Variants in CCNH observed in about 807,000 individuals in gnomAD.
The protein encoded by CCNH is cyclin H.
CCNH carries 31 observed loss-of-function variants against 41.9 expected under a neutral mutation model. The ratio of observed to expected loss-of-function variants is 0.74; its 90% confidence interval spans 0.56 to 1.00. The LOEUF is 1.00. Ranked by LOEUF, CCNH falls within the 50% of genes least tolerant of loss-of-function variation. The pLI, the probability that CCNH is intolerant of heterozygous loss-of-function variation, is 0.00. For synonymous variants in CCNH, 138 were observed against 136.1 expected (o/e 1.01, Z -0.10); for missense variants, 362 against 388.4 (o/e 0.93, Z 0.57).
Position 87,333,429 on chromosome 5 carries a change from A to T in CCNH, c.*91-14532T>A. On this transcript the variant is annotated intron_variant and NMD_transcript_variant, in intron 9 of 9. Coordinates refer to the CCNH transcript ENST00000645953. ...TGGACTAGGAAGCTTTTGAAATTTG[A>T]AGAAATGGCATACAGCAAGGTGAAA... The T allele has an allele frequency of 3.9e-6, 6 of 1,556,446 alleles. No homozygotes were observed. The South Asian group carries it at 7.1e-5, about 19-fold the overall frequency.
chr5:87,386,699 G>T, downstream of CCNH: 1 of 759,736 alleles, frequency 1.3e-6, no homozygotes, highest in East Asian at 2.6e-5. Context: ...TATGGGTTTT[G>T]CTATATTAAT....
downstream of CCNH, chr5:87,389,277 G>A (rs1762290814): frequency 7.3e-7 from 1 of 1,363,736 alleles, no homozygotes; most frequent in Non-Finnish European, 1.0e-6. Context: ...GTTGCAGTGA[G>A]CCGAGATCAT....
intron 9 of CCNH, among the ~76,000 whole-genome samples, chr5:87,355,294 GC>G (rs1387361346): frequency 6.6e-6 from 1 of 152,146 alleles, no homozygotes; most frequent in Non-Finnish European, 1.5e-5. Context: ...CTTTTCAGGG[GC>G]TAATGCAGCT....
upstream of CCNH, chr5:87,379,822 A>G: frequency 6.2e-7 from 1 of 1,612,794 alleles, no homozygotes; most frequent in Non-Finnish European, 8.5e-7. Context: ...TGTGGAGAAA[A>G]TATTCATGGC....
chr5:87,379,814 T>C (rs768210175), upstream of CCNH: 1 of 1,612,864 alleles, frequency 6.2e-7, no homozygotes, highest in South Asian at 1.1e-5. Flanking sequence ...TCAGAGCTTG[T>C]GGAGAAAATA....
chr5:87,322,106 A>G (rs568920929), intron 9 of CCNH, among the ~76,000 whole-genome samples: 1 of 152,162 alleles, frequency 6.6e-6, no homozygotes, highest in African/African-American at 2.4e-5. Context: ...TCCCTCATGA[A>G]TGGTTTGCTG....
chr5:87,384,594 GA>G (rs1761941019), intron 9 of CCNH, among the ~76,000 whole-genome samples: 3 of 152,048 alleles, frequency 2.0e-5, no homozygotes, highest in Non-Finnish European at 4.4e-5. Flanking sequence ...TTCTTTTGGA[GA>G]GATTTATCTG....
In CCNH at chr5:87,404,980, C is replaced by G. The variant is rs1437360102; in HGVS notation, c.553G>C (p.Glu185Gln). The change falls in exon 5 of 9, where the codon GAG becomes CAG. Residue 185 changes from glutamate (E) to glutamine (Q), a missense_variant. By Grantham distance (29) the Glu-to-Gln change is conservative (BLOSUM62 2). Coordinates refer to ENST00000256897, the MANE Select transcript of CCNH (RefSeq NM_001239.4). ...KTRYPILENPEILRKTADDFL... is the reference protein window; with the variant it reads ...KTRYPILENPQILRKTADDFL... ...TCATCAGCTGTTTTCCTCAAAATCTCTGGATTCTCCAATATGGGATAGCGG... is the reference window on the plus strand; with the variant it reads ...TCATCAGCTGTTTTCCTCAAAATCTGTGGATTCTCCAATATGGGATAGCGG... 6.2e-7 allele frequency: 1 copy of G among 1,613,232 alleles called. No individual in the cohort carries two copies. The highest frequency in any genetic ancestry group is 1.7e-5 in the Admixed American group (1 of 59,928).
chr5:87,405,106 A>G (rs1468507804), intron 4 of CCNH, 99 bp from the exon 5 acceptor site: 7 of 803,874 alleles, frequency 8.7e-6, no homozygotes, highest in Non-Finnish European at 1.2e-5. Flanking sequence ...AATATATGCT[A>G]TAACATATCT....
downstream of CCNH, among the ~76,000 whole-genome samples, chr5:87,316,735 A>G (rs1465535994): frequency 1.3e-5 from 2 of 152,208 alleles, no homozygotes; most frequent in Non-Finnish European, 1.5e-5. Context: ...TCTCACAATT[A>G]TAGATACAAA....
At chr5:87,375,233 C>T (rs1761241969), downstream of CCNH, among the ~76,000 whole-genome samples, 2 of 151,904 alleles carry the variant, frequency 1.3e-5, no homozygotes. Context: ...TGCCCTCATC[C>T]CTTCTTTCTA....
At chr5:87,353,277 T>A in intron 9 of CCNH, 4 of 1,448,622 alleles carry the variant, frequency 2.8e-6, no homozygotes, top group Non-Finnish European at 3.9e-6. Context: ...GCATTTTATT[T>A]TAAAATGCAT....
intron 9 of CCNH, among the ~76,000 whole-genome samples, chr5:87,329,418 G>C (rs2112360356): frequency 6.6e-6 from 1 of 152,184 alleles, no homozygotes; most frequent in South Asian, 2.1e-4. Context: ...CTCCAGCCTG[G>C]GCGACAGAGT....
intron 9 of CCNH, among the ~76,000 whole-genome samples, chr5:87,325,343 C>CA (rs1757153308): frequency 6.6e-6 from 1 of 152,162 alleles, no homozygotes; most frequent in Admixed American, 6.5e-5. Context: ...TGGGTGGAGA[C>CA]ACAGCCAAAC....
chr5:87,408,261 T>G (rs1763952632), intron 3 of CCNH, 75 bp from the exon 4 acceptor site: 2 of 654,262 alleles, frequency 3.1e-6, no homozygotes, highest in African/African-American at 3.7e-5. Context: ...TTGAGAAGTA[T>G]CTAAATAATT....
intron 5 of CCNH, among the ~76,000 whole-genome samples, chr5:87,404,032 A>G (rs1049222249): frequency 6.6e-6 from 1 of 152,244 alleles, no homozygotes; most frequent in Admixed American, 6.5e-5. Flanking sequence ...GCGTTTGCAG[A>G]GAACAGGCAT....
chr5:87,404,677 C>G (rs887397268), intron 5 of CCNH, among the ~76,000 whole-genome samples, 167 bp downstream of exon 5: 1 of 152,156 alleles, frequency 6.6e-6, no homozygotes, highest in Non-Finnish European at 1.5e-5. Flanking sequence ...CTTAGTTTAA[C>G]AGTATTTTTC....
chr5:87,368,812 GTTAA>G (rs1760721322), intron 9 of CCNH, among the ~76,000 whole-genome samples: 1 of 152,168 alleles, frequency 6.6e-6, no homozygotes, highest in South Asian at 2.1e-4. Flanking sequence ...AGAATGTCGG[GTTAA>G]TTATAGTATG....
At position 87,411,362 on chromosome 5, in the gene CCNH, TACAAC is replaced by T; in HGVS notation, c.118-21_118-17del. Reference sequence around the variant, plus strand: ...TCGGAAGAACCTTTAGATCAACAATTACAACACAAGTTCAATGAATTCAATGAATT... The same window carrying T: ...TCGGAAGAACCTTTAGATCAACAATTACAAGTTCAATGAATTCAATGAATT... On this transcript the variant is annotated splice_polypyrimidine_tract_variant and intron_variant, in intron 1 of 8. Transcript: ENST00000256897. The T allele has an allele frequency of 1.3e-6, 2 of 1,593,224 alleles. No homozygotes were observed. The highest frequency in any genetic ancestry group is 1.2e-5 in the South Asian group (1 of 86,430).
Sources: gnomAD v4.1 joint callset for allele counts (sites outside exome capture counted in the v4.1 genomes callset) on GRCh38, gnomAD v4.1.1 for gene constraint, MANE v1.5 for transcripts, NCBI Gene and HGNC (gene_info 2026-07-23, HGNC 2026-07-21) for gene names.